CADM2: variants seen among roughly 807,000 people sequenced by gnomAD.
The protein encoded by CADM2 is immunoglobulin superfamily member 4D.
CADM2 carries 12 observed loss-of-function variants against 49.8 expected under a neutral mutation model. The ratio of observed to expected loss-of-function variants is 0.24; its 90% confidence interval spans 0.15 to 0.39. CADM2 has a LOEUF of 0.39. Among genes scored for constraint, CADM2 ranks in the 10% least tolerant of loss-of-function variants. CADM2 has a pLI of 1.00. For missense variants in CADM2, 378 were observed against 492.3 expected (o/e 0.77, Z 2.20); for synonymous variants, 214 against 175.4 (o/e 1.22, Z -1.74).
chr3:85,284,222 G>T (rs1051969761), intron 1 of CADM2, among the ~76,000 whole-genome samples: 5 of 152,010 alleles, frequency 3.3e-5, no homozygotes, highest in Admixed American at 6.6e-5. Flanking sequence ...AGAGTTTGAG[G>T]ATCTTTCTGA....
intron 1 of CADM2, among the ~76,000 whole-genome samples, chr3:85,687,366 C>T (rs1418235029): frequency 1.3e-5 from 2 of 151,888 alleles, no homozygotes; most frequent in Non-Finnish European, 2.9e-5. Context: ...TCTTATTTAA[C>T]TTTGTGTAAG....
At chr3:85,686,822 C>A (rs890329239) in intron 1 of CADM2, among the ~76,000 whole-genome samples, 9 of 152,144 alleles carry the variant, frequency 5.9e-5, no homozygotes, top group Admixed American at 4.6e-4. Flanking sequence ...AGAATGCAAC[C>A]ATTTGTCTCA....
intron 3 of CADM2, among the ~76,000 whole-genome samples, chr3:85,806,578 G>A (rs771707698): frequency 6.6e-6 from 1 of 152,064 alleles, no homozygotes; most frequent in African/African-American, 2.4e-5. Flanking sequence ...TTTCCTAGGG[G>A]TCTCTGTCAG....
intron 1 of CADM2, among the ~76,000 whole-genome samples, chr3:85,716,830 C>G (rs1296087386): frequency 1.3e-5 from 2 of 152,004 alleles, no homozygotes; most frequent in East Asian, 3.9e-4. Flanking sequence ...ATTTCTGAGG[C>G]CTCTGTTCTG....
chr3:85,008,622 T>C (rs1311955589), intron 1 of CADM2, among the ~76,000 whole-genome samples: 1 of 151,092 alleles, frequency 6.6e-6, no homozygotes, highest in African/African-American at 2.4e-5. Context: ...AGGTTTCTAC[T>C]CAAAAACAAA....
chr3:85,515,570 G>C (rs2060875292), intron 1 of CADM2, among the ~76,000 whole-genome samples: 1 of 143,326 alleles, frequency 7.0e-6, no homozygotes, highest in Non-Finnish European at 1.5e-5. Context: ...TTACAGGAGA[G>C]TGCCACCACG....
intron 1 of CADM2, among the ~76,000 whole-genome samples, chr3:85,503,630 A>G (rs1297947956): frequency 1.3e-5 from 2 of 152,198 alleles, no homozygotes; most frequent in Non-Finnish European, 2.9e-5. Context: ...ACCGTATTGT[A>G]TATTTCCCTA....
At chr3:84,987,489 A>C (rs894537640) in intron 1 of CADM2, among the ~76,000 whole-genome samples, 2 of 152,158 alleles carry the variant, frequency 1.3e-5, no homozygotes, top group African/African-American at 4.8e-5. Flanking sequence ...CTCTGAGTAT[A>C]CTTGAACATA....
chr3:86,019,605 G>T (rs1345746540), intron 8 of CADM2, among the ~76,000 whole-genome samples: 2 of 151,124 alleles, frequency 1.3e-5, no homozygotes, highest in Non-Finnish European at 3.0e-5. Flanking sequence ...TCCCTTGTAA[G>T]TTGGATTCCT....
intron 1 of CADM2, among the ~76,000 whole-genome samples, chr3:85,595,609 T>C (rs2063220387): frequency 6.6e-6 from 1 of 152,026 alleles, no homozygotes; most frequent in Admixed American, 6.6e-5. Context: ...AATTGTCCTG[T>C]TTAAAACCTT....
Position 85,966,977 on chromosome 3 carries a change from C to A in CADM2, c.970+5330C>A, listed in dbSNP as rs113079372. Among the ~76,000 whole-genome samples, 118 of 151,806 alleles carry A rather than the reference C, an allele frequency of 7.8e-4. 1 individual carries two copies. Among genetic ancestry groups the A allele is most frequent in the African/African-American group, 2.8e-3 (115 of 41,494 alleles). On this transcript the variant is annotated intron_variant, in intron 8 of 9. Coordinates refer to ENST00000383699, the MANE Select transcript of CADM2 (RefSeq NM_001167675.2). Reference sequence around the variant, plus strand: ...TAGAGAATATTACTGCTAGAGATCTCTATGTGCTTTGATCTACTAAAAGGT... The same window carrying A: ...TAGAGAATATTACTGCTAGAGATCTATATGTGCTTTGATCTACTAAAAGGT...
At chr3:85,517,970 A>G (rs911958178) in intron 1 of CADM2, among the ~76,000 whole-genome samples, 1 of 152,118 alleles carries the variant, frequency 6.6e-6, no homozygotes, top group African/African-American at 2.4e-5. Flanking sequence ...TTATTTAGAA[A>G]GACAAATGCA....
chr3:85,744,831 G>A (rs1382633508), intron 2 of CADM2, among the ~76,000 whole-genome samples: 5 of 152,146 alleles, frequency 3.3e-5, no homozygotes, highest in Non-Finnish European at 7.3e-5. Flanking sequence ...ATGGGGACAA[G>A]TAGGCCAGCT....
At chr3:85,845,694 G>A (rs570840665) in intron 3 of CADM2, among the ~76,000 whole-genome samples, 17 of 152,192 alleles carry the variant, frequency 1.1e-4, no homozygotes, top group Admixed American at 9.8e-4. Context: ...TAGGCCCAGC[G>A]GGATGTTTGA....
intron 1 of CADM2, among the ~76,000 whole-genome samples, chr3:85,394,589 T>C (rs1036721837): frequency 9.8e-5 from 15 of 152,334 alleles, no homozygotes; most frequent in South Asian, 2.1e-4. Flanking sequence ...CAGTTGTGAC[T>C]CAATGTTAAA....
intron 2 of CADM2, among the ~76,000 whole-genome samples, chr3:85,730,489 C>A (rs888305972): frequency 1.5e-5 from 2 of 135,262 alleles, no homozygotes; most frequent in East Asian, 2.1e-4. Flanking sequence ...TATAAAAAAT[C>A]TCATTCTTCA....
intron 1 of CADM2, among the ~76,000 whole-genome samples, chr3:85,241,964 C>A (rs1030824204): frequency 6.6e-6 from 1 of 151,298 alleles, no homozygotes. Flanking sequence ...GAAGGGTGAT[C>A]CAGCTGATAT....
In CADM2 at chr3:85,990,660, T is replaced by G. The variant is rs562902097; in HGVS notation, c.970+29013T>G. Among the ~76,000 whole-genome samples the G allele has an allele frequency of 1.3e-4, 20 of 152,264 alleles. No homozygotes were observed. The Middle Eastern group carries it at 0.01, about 78-fold the overall frequency. On this transcript the variant is annotated intron_variant, in intron 8 of 9. Transcript: ENST00000383699. ...GCTGGTTCACAATAAATAATAAGGGTTAGCTTTTATAATAATTATTCACAA... is the reference window on the plus strand; with the variant it reads ...GCTGGTTCACAATAAATAATAAGGGGTAGCTTTTATAATAATTATTCACAA...
At chr3:85,678,800 G>A (rs1017466467) in intron 1 of CADM2, among the ~76,000 whole-genome samples, 2 of 152,134 alleles carry the variant, frequency 1.3e-5, no homozygotes, top group African/African-American at 2.4e-5. Context: ...GGTCAATAGT[G>A]CAGGGTGGCA....
Sources: gnomAD v4.1 joint callset for allele counts (sites outside exome capture counted in the v4.1 genomes callset) on GRCh38, gnomAD v4.1.1 for gene constraint, MANE v1.5 for transcripts, NCBI Gene and HGNC (gene_info 2026-07-23, HGNC 2026-07-21) for gene names.